Variants in LRMDA observed in about 807,000 individuals in gnomAD.
The protein encoded by LRMDA is leucine rich melanocyte differentiation associated, also known as leucine-rich melanocyte differentiation-associated protein.
A neutral mutation model predicts 29.8 loss-of-function variants in LRMDA; 18 were observed. That is an observed-to-expected ratio of 0.60 (90% CI 0.42 to 0.90). LRMDA has a LOEUF of 0.90. Ranked by LOEUF, LRMDA falls within the 40% of genes least tolerant of loss-of-function variation. The pLI, the probability that LRMDA is intolerant of heterozygous loss-of-function variation, is 0.00. For missense variants in LRMDA, 273 were observed against 273.9 expected (o/e 1.00, Z 0.02); for synonymous variants, 125 against 109.4 (o/e 1.14, Z -0.89).
intron 2 of LRMDA, among the ~76,000 whole-genome samples, chr10:76,031,155 A>G (rs1279316669): frequency 2.0e-5 from 3 of 152,166 alleles, no homozygotes; most frequent in East Asian, 1.9e-4. Flanking sequence ...TTGGCCTCCT[A>G]GTTTCTGGAT....
chr10:76,062,295 C>T (rs1848713474), intron 5 of LRMDA, among the ~76,000 whole-genome samples: 1 of 152,130 alleles, frequency 6.6e-6, no homozygotes, highest in Non-Finnish European at 1.5e-5. Context: ...TCATTTTATT[C>T]CTGACATAAA....
At chr10:75,446,873 A>G (rs1226820812) in intron 2 of LRMDA, among the ~76,000 whole-genome samples, 1 of 152,250 alleles carries the variant, frequency 6.6e-6, no homozygotes, top group African/African-American at 2.4e-5. Flanking sequence ...TCTCAGGAGA[A>G]CAGTTCAAAG....
intron 6 of LRMDA, among the ~76,000 whole-genome samples, chr10:76,347,465 A>G (rs1463384310): frequency 6.6e-6 from 1 of 152,196 alleles, no homozygotes; most frequent in Non-Finnish European, 1.5e-5. Flanking sequence ...GTAAACTTCA[A>G]CAACCACCTG....
chr10:76,411,916 G>A (rs1841965571), intron 6 of LRMDA, among the ~76,000 whole-genome samples: 1 of 152,216 alleles, frequency 6.6e-6, no homozygotes, highest in African/African-American at 2.4e-5. Flanking sequence ...GGAGGCGCTG[G>A]CCTTCACTTG....
At chr10:75,769,570 G>A in intron 2 of LRMDA, among the ~76,000 whole-genome samples, 1 of 151,974 alleles carries the variant, frequency 6.6e-6, no homozygotes, top group East Asian at 1.9e-4. Flanking sequence ...AGTATGGTGG[G>A]GGTGGTGGTA....
intron 2 of LRMDA, among the ~76,000 whole-genome samples, chr10:75,587,390 A>G (rs1023071453): frequency 6.6e-6 from 1 of 152,066 alleles, no homozygotes; most frequent in African/African-American, 2.4e-5. Context: ...AGTATTCTAG[A>G]GGCTTCTTAA....
At chr10:75,976,564 C>A (rs1368653417) in intron 2 of LRMDA, among the ~76,000 whole-genome samples, 2 of 152,334 alleles carry the variant, frequency 1.3e-5, no homozygotes, top group South Asian at 4.1e-4. Flanking sequence ...ATGCCCCCTG[C>A]ACCTGGCAGA....
chr10:75,744,616 A>T (rs1364322497), intron 2 of LRMDA, among the ~76,000 whole-genome samples: 2 of 152,160 alleles, frequency 1.3e-5, no homozygotes, highest in East Asian at 3.9e-4. Flanking sequence ...CCTGAGATGG[A>T]GACAGAAGGA....
chr10:75,558,281 C>T (rs1346151262), intron 2 of LRMDA, among the ~76,000 whole-genome samples: 1 of 151,650 alleles, frequency 6.6e-6, no homozygotes, highest in Non-Finnish European at 1.5e-5. Context: ...TAAGTGTGGC[C>T]AAGAGGGTGC....
intron 2 of LRMDA, among the ~76,000 whole-genome samples, chr10:75,561,067 T>G (rs1409158289): frequency 6.6e-6 from 1 of 151,506 alleles, no homozygotes; most frequent in Non-Finnish European, 1.5e-5. Context: ...TTAGTGAGGA[T>G]TCCCTCTTTT....
intron 2 of LRMDA, among the ~76,000 whole-genome samples, chr10:75,508,797 T>C (rs1845195244): frequency 6.6e-6 from 1 of 152,192 alleles, no homozygotes; most frequent in Admixed American, 6.5e-5. Context: ...CAAATATATT[T>C]GCATATGTGT....
rs544151039 is a variant in LRMDA at position 75,859,159 on chromosome 10, A to G, written c.132-176849A>G. Among the ~76,000 whole-genome samples, 8 of 152,336 alleles carry G rather than the reference A, an allele frequency of 5.3e-5. No individual in the cohort carries two copies. In the South Asian group the frequency reaches 1.7e-3, roughly 32 times the overall value. On this transcript the variant is annotated intron_variant, in intron 2 of 6. Coordinates refer to ENST00000611255, the MANE Select transcript of LRMDA (RefSeq NM_001305581.2). ...GGGTGTTGGTCATTTTTGGTGTCAC[A>G]TAAGTAATGAATGGCCTTATTATGG... is the stretch of plus-strand genomic sequence containing the variant.
intron 2 of LRMDA, among the ~76,000 whole-genome samples, chr10:75,830,840 CA>C (rs1452493885): frequency 6.6e-6 from 1 of 152,162 alleles, no homozygotes; most frequent in Non-Finnish European, 1.5e-5. Flanking sequence ...AGCATTAACT[CA>C]AAAGTCCACA....
intron 2 of LRMDA, among the ~76,000 whole-genome samples, chr10:75,444,882 A>G (rs1038808128): frequency 3.3e-4 from 50 of 152,176 alleles, no homozygotes; most frequent in African/African-American, 1.1e-3. Context: ...CATTGTTTAC[A>G]TTGTGTTGGA....
At chr10:75,804,316 C>T (rs539346306) in intron 2 of LRMDA, among the ~76,000 whole-genome samples, 2 of 152,266 alleles carry the variant, frequency 1.3e-5, no homozygotes, top group East Asian at 1.9e-4. Context: ...TGGACTTGAG[C>T]GATGGAGTCG....
chr10:76,382,354 A>C (rs1288871578), intron 6 of LRMDA, among the ~76,000 whole-genome samples: 1 of 152,246 alleles, frequency 6.6e-6, no homozygotes, highest in Non-Finnish European at 1.5e-5. Context: ...ATTTCACAAC[A>C]AACCTCGATG....
At chr10:76,065,433 G>A (rs549529507) in intron 5 of LRMDA, among the ~76,000 whole-genome samples, 51 of 152,348 alleles carry the variant, frequency 3.3e-4, no homozygotes, top group African/African-American at 1.2e-3. Context: ...TGAGCACATA[G>A]TAGAGACTAC....
At chr10:76,391,768 G>C (rs1841725804) in intron 6 of LRMDA, among the ~76,000 whole-genome samples, 2 of 152,234 alleles carry the variant, frequency 1.3e-5, no homozygotes, top group South Asian at 4.1e-4. Flanking sequence ...CATAGCTCTT[G>C]TCTTTCATGG....
At chr10:76,325,561 A>C (rs1289386292) in intron 6 of LRMDA, among the ~76,000 whole-genome samples, 2 of 152,154 alleles carry the variant, frequency 1.3e-5, no homozygotes, top group African/African-American at 4.8e-5. Flanking sequence ...CCCTTTCGAG[A>C]CTGTTTTTGG....
Sources: gnomAD v4.1 joint callset for allele counts (sites outside exome capture counted in the v4.1 genomes callset) on GRCh38, gnomAD v4.1.1 for gene constraint, MANE v1.5 for transcripts, NCBI Gene and HGNC (gene_info 2026-07-23, HGNC 2026-07-21) for gene names.